Variants in DRAM2 observed in about 807,000 individuals in gnomAD.
DRAM2 encodes DNA damage-regulated autophagy modulator protein 2.
In DRAM2, 26 loss-of-function variants were observed where a neutral mutation model predicts 33.5. The ratio of observed to expected loss-of-function variants is 0.78; its 90% confidence interval spans 0.57 to 1.08. The LOEUF is 1.08. Ranked by LOEUF, DRAM2 falls within the 50% of genes least tolerant of loss-of-function variation. The pLI is 0.00. For synonymous variants in DRAM2, 98 were observed against 109.5 expected, an observed-to-expected ratio of 0.89 and a Z score of 0.66; for missense variants, 311 against 318.1, an observed-to-expected ratio of 0.98 and a Z score of 0.17.
chr1:111,136,245 C>T (rs937951552), intron 3 of DRAM2, among the ~76,000 whole-genome samples: 1 of 152,116 alleles, frequency 6.6e-6, no homozygotes, highest in African/African-American at 2.4e-5. Context: ...TTCATAACTT[C>T]TCTGAACCAG....
intron 4 of DRAM2, chr1:111,127,911 T>A (rs1412420097): frequency 1.3e-5 from 2 of 152,140 alleles, no homozygotes; most frequent in Non-Finnish European, 2.9e-5. Flanking sequence ...ATTCTGTACG[T>A]TAAATATTGG....
chr1:111,127,579 CCATCTTCAG>C (rs1212562353), intron 4 of DRAM2, among the ~76,000 whole-genome samples: 1 of 152,046 alleles, frequency 6.6e-6, no homozygotes, highest in Non-Finnish European at 1.5e-5. Context: ...TACTCTTTGA[CCATCTTCAG>C]GAGGAGGGAA....
Position 111,117,181 on chromosome 1 carries a change from T to C in DRAM2, c.*979A>G, listed in dbSNP as rs546906357. On this transcript the variant is annotated 3_prime_UTR_variant, in exon 10 of 10. Coordinates refer to ENST00000484310, the MANE Select transcript of DRAM2 (RefSeq NM_001349884.2). ...ATGCATGTATCACACTTATTTTGCA[T>C]GTAGTTTAATTGGATTGCCAATTTT... Among the ~76,000 whole-genome samples the C allele has an allele frequency of 6.6e-6, 1 of 152,144 alleles. No individual in the cohort carries two copies. Among genetic ancestry groups the C allele is most frequent in the African/African-American group, 2.4e-5 (1 of 41,450 alleles).
chr1:111,126,657 A>ACT (rs10622874), intron 4 of DRAM2, among the ~76,000 whole-genome samples: 106,114 of 151,730 alleles, frequency 0.7, 37,683 homozygotes, highest in African/African-American at 0.82. Context: ...GCTTTTCACA[A>ACT]CTGCCTTTTT....
chr1:111,124,853 C>T lies in DRAM2; in HGVS notation c.228G>A (p.Lys76=), dbSNP rs770915705. 2 of 1,612,908 alleles carry T rather than the reference C, an allele frequency of 1.2e-6. No homozygotes were observed. Among genetic ancestry groups the T allele is most frequent in the Admixed American group, 3.3e-5 (2 of 59,890 alleles). Residue 76 remains lysine, a synonymous_variant, in exon 6 of 10, where the codon AAG becomes AAA. Transcript: ENST00000484310. ...CTTCAGGACTCAGAGCATGAACTTG[C>T]TTATAACGAACATAAATGGTAGCAA... ...LCIATIYVRY[K]QVHALSPEEN...
At chr1:111,127,050 T>C (rs1430396658) in intron 4 of DRAM2, among the ~76,000 whole-genome samples, 1 of 152,194 alleles carries the variant, frequency 6.6e-6, no homozygotes, top group Non-Finnish European at 1.5e-5. Flanking sequence ...GTTCATCCTT[T>C]TATCTCCCTA....
chr1:111,125,897 G>A (rs1057303218), intron 5 of DRAM2, among the ~76,000 whole-genome samples: 6 of 152,100 alleles, frequency 3.9e-5, no homozygotes, highest in Non-Finnish European at 8.8e-5. Context: ...ATTAGCGGTG[G>A]TCAGCTGCAT....
At chr1:111,128,932 G>A (rs1324933973) in intron 4 of DRAM2, among the ~76,000 whole-genome samples, 1 of 152,194 alleles carries the variant, frequency 6.6e-6, no homozygotes, top group Non-Finnish European at 1.5e-5. Context: ...AAAGAATGGT[G>A]TGGCTCCTTA....
In DRAM2 at chr1:111,124,870, T is replaced by C; in HGVS notation, c.211A>G (p.Ile71Val). 1 of 1,611,108 alleles carries C rather than the reference T, an allele frequency of 6.2e-7. No individual in the cohort carries two copies. Among genetic ancestry groups the C allele is most frequent in the Non-Finnish European group, 8.5e-7 (1 of 1,179,012 alleles). ...TGAACTTGCTTATAACGAACATAAATGGTAGCAATGCCTGGGAAAAGATAA... is the reference window on the plus strand; with the variant it reads ...TGAACTTGCTTATAACGAACATAAACGGTAGCAATGCCTGGGAAAAGATAA... ...NIAAVLCIAT[I>V]YVRYKQVHAL... The change falls in exon 6 of 10, where the codon ATT (isoleucine) becomes GTT (valine). Residue 71 changes from isoleucine (I) to valine (V), a missense_variant. By Grantham distance (29) the Ile-to-Val change is conservative (BLOSUM62 3). Coordinates refer to ENST00000484310, the MANE Select transcript of DRAM2 (RefSeq NM_001349884.2).
At chr1:111,124,702 G>C (rs1412221858) in intron 6 of DRAM2, 40 bp downstream of exon 6, 3 of 1,603,862 alleles carry the variant, frequency 1.9e-6, no homozygotes. Flanking sequence ...ATATATTTAT[G>C]TACTTAAGGA....
intron 6 of DRAM2, among the ~76,000 whole-genome samples, chr1:111,121,942 T>C (rs1049700675): frequency 1.3e-5 from 2 of 152,096 alleles, no homozygotes; most frequent in Non-Finnish European, 2.9e-5. Flanking sequence ...CGTTATGGCC[T>C]ACCAAACAGA....
intron 4 of DRAM2, among the ~76,000 whole-genome samples, chr1:111,128,519 G>A (rs1651472347): frequency 6.6e-6 from 1 of 152,130 alleles, no homozygotes; most frequent in East Asian, 1.9e-4. Flanking sequence ...GTATCTGTGG[G>A]GGACTGGTTC....
chr1:111,118,054 G>T lies in DRAM2; in HGVS notation c.*106C>A. 1.0e-6 allele frequency: 1 copy of T among 967,268 alleles called. No homozygotes were observed. The allele number at this position is 967,268 out of a possible 1,614,324, so 59.9% of individuals were successfully genotyped here. A position where few individuals can be genotyped will look rare whatever the true frequency, so the allele number is the denominator to read the frequency against. ...TCAGCATTCATCAGTGTTACTGTCAGCCTTGATTAAGTGGTTGAAAATTTC... is the reference window on the plus strand; with the variant it reads ...TCAGCATTCATCAGTGTTACTGTCATCCTTGATTAAGTGGTTGAAAATTTC... On this transcript the variant is annotated 3_prime_UTR_variant, in exon 10 of 10. Transcript: ENST00000484310.
chr1:111,119,786 C>T (rs1286417715), intron 8 of DRAM2, 91 bp downstream of exon 8: 9 of 1,082,580 alleles, frequency 8.3e-6, no homozygotes, highest in Non-Finnish European at 1.2e-5. Context: ...AGAAGACTTT[C>T]ATTGTTACTG....
intron 4 of DRAM2, among the ~76,000 whole-genome samples, chr1:111,128,831 T>C (rs1247631530): frequency 6.6e-6 from 1 of 152,114 alleles, no homozygotes; most frequent in Non-Finnish European, 1.5e-5. Flanking sequence ...TAAAAGTTTT[T>C]CAAAACGAAA....
chr1:111,124,544 T>C (rs1650614931), intron 6 of DRAM2, among the ~76,000 whole-genome samples, 198 bp downstream of exon 6: 1 of 152,238 alleles, frequency 6.6e-6, no homozygotes, highest in African/African-American at 2.4e-5. Flanking sequence ...TTTGTATTTG[T>C]TCAGACTTTT....
At chr1:111,136,200 T>C (rs1653105400) in intron 3 of DRAM2, among the ~76,000 whole-genome samples, 1 of 152,040 alleles carries the variant, frequency 6.6e-6, no homozygotes, top group Non-Finnish European at 1.5e-5. Flanking sequence ...GCTCAAAACT[T>C]TTTTTTTAAT....
intron 3 of DRAM2, among the ~76,000 whole-genome samples, chr1:111,132,879 T>C (rs1384989200): frequency 1.3e-5 from 2 of 151,648 alleles, no homozygotes. Flanking sequence ...GAGGTCTCAT[T>C]ATGTTGCCCA....
chr1:111,131,367 G>A, intron 4 of DRAM2, 57 bp downstream of exon 4: 2 of 1,497,508 alleles, frequency 1.3e-6, no homozygotes, highest in Non-Finnish European at 1.8e-6. Flanking sequence ...TGACTTCAAT[G>A]TTAAAATAAG....
Sources: allele counts gnomAD v4.1 joint callset (sites outside exome capture counted in the v4.1 genomes callset), GRCh38; gene constraint gnomAD v4.1.1; transcripts MANE v1.5; gene names NCBI Gene and HGNC (gene_info 2026-07-23, HGNC 2026-07-21).